Variants in ANXA3 observed in about 807,000 individuals in gnomAD.
ANXA3 encodes the protein 35-alpha calcimedin.
In ANXA3, 46 loss-of-function variants were observed where a neutral mutation model predicts 48.8. The observed-to-expected ratio is 0.94, with a 90% confidence interval of 0.74 to 1.21. ANXA3 has a LOEUF of 1.21. ANXA3 is among the 50% of genes most tolerant of loss of function. The pLI, the probability that ANXA3 is intolerant of heterozygous loss-of-function variation, is 0.00. For missense variants in ANXA3, 383 were observed against 378.6 expected, an observed-to-expected ratio of 1.01 and a Z score of -0.10; for synonymous variants, 128 against 134.7, an observed-to-expected ratio of 0.95 and a Z score of 0.35.
intron 7 of ANXA3, among the ~76,000 whole-genome samples, chr4:78,594,555 C>T (rs940761808): frequency 3.3e-5 from 5 of 152,172 alleles, no homozygotes; most frequent in African/African-American, 1.2e-4. Context: ...TTGGTGTTGT[C>T]AGTGTTTTGG....
chr4:78,588,468 G>A (rs534379170), intron 6 of ANXA3, among the ~76,000 whole-genome samples: 1 of 152,324 alleles, frequency 6.6e-6, no homozygotes, highest in South Asian at 2.1e-4. Context: ...ATTCATGCAG[G>A]TTATAACCCC....
chr4:78,599,829 G>A (rs1186884024), intron 10 of ANXA3, among the ~76,000 whole-genome samples: 2 of 152,092 alleles, frequency 1.3e-5, no homozygotes, highest in Non-Finnish European at 2.9e-5. Context: ...AGGGGCTAAG[G>A]TGGGAGGAGT....
At chr4:78,573,314 G>A (rs750245059) in intron 3 of ANXA3, 47 bp downstream of exon 3, 1 of 1,408,730 alleles carries the variant, frequency 7.1e-7, no homozygotes, top group Admixed American at 1.7e-5. Context: ...AGCAAATCAG[G>A]CAAGTTACAA....
At chr4:78,568,733 C>T (rs1179593363) in intron 2 of ANXA3, among the ~76,000 whole-genome samples, 2 of 152,204 alleles carry the variant, frequency 1.3e-5, no homozygotes, top group Admixed American at 1.3e-4. Flanking sequence ...TGGCCTCTCC[C>T]AGGGGCAATA....
chr4:78,591,686 G>A (rs1327539775), intron 7 of ANXA3, 63 bp downstream of exon 7: 2 of 1,231,068 alleles, frequency 1.6e-6, no homozygotes, highest in Non-Finnish European at 2.4e-6. Context: ...ACAATTTTTA[G>A]GGAGTTTAAA....
chr4:78,606,374 C>A (rs1046316222), intron 12 of ANXA3, among the ~76,000 whole-genome samples: 1 of 152,124 alleles, frequency 6.6e-6, no homozygotes, highest in Non-Finnish European at 1.5e-5. Context: ...GCTGATTAGA[C>A]CCCCTAAGCT....
intron 10 of ANXA3, 110 bp downstream of exon 10, chr4:78,597,524 C>T (rs1026257042): frequency 9.0e-6 from 6 of 667,630 alleles, no homozygotes; most frequent in African/African-American, 3.7e-5. Context: ...TTTTTGCTCC[C>T]TACAGCCCCC....
At chr4:78,565,624 C>A (rs2109928383) in intron 2 of ANXA3, among the ~76,000 whole-genome samples, 1 of 152,256 alleles carries the variant, frequency 6.6e-6, no homozygotes, top group East Asian at 1.9e-4. Flanking sequence ...GAAACTGGAG[C>A]CAGATTGCCT....
intron 10 of ANXA3, among the ~76,000 whole-genome samples, chr4:78,600,736 T>C (rs1453350203): frequency 6.6e-6 from 1 of 152,208 alleles, no homozygotes; most frequent in Non-Finnish European, 1.5e-5. Flanking sequence ...TCACTTTTGG[T>C]TGGATTCCTA....
At chr4:78,588,364 G>C (rs1473153807) in intron 6 of ANXA3, among the ~76,000 whole-genome samples, 7 of 152,286 alleles carry the variant, frequency 4.6e-5, no homozygotes, top group African/African-American at 1.7e-4. Context: ...CTGCACTCCA[G>C]CCTGCGTGAC....
chr4:78,568,023 A>T lies in ANXA3; in HGVS notation c.16-5157A>T, dbSNP rs546207943. ...GTCTCTGCCTTTACATGGCTGTCTT[A>T]TAAGGATACCAGTGGTATTGGATTG... On this transcript the variant is annotated intron_variant, in intron 2 of 12. Coordinates refer to ENST00000264908, the MANE Select transcript of ANXA3 (RefSeq NM_005139.3). 2.0e-5 allele frequency among the ~76,000 whole-genome samples: 3 copies of T among 152,282 alleles called. No homozygotes were observed. In the South Asian group the frequency reaches 6.2e-4, roughly 32 times the overall value.
In ANXA3 at chr4:78,604,346, A is replaced by G. The variant is rs986329242; in HGVS notation, c.859A>G (p.Ile287Val). The G allele has an allele frequency of 4.3e-6, 7 of 1,613,548 alleles. No individual in the cohort carries two copies. The highest frequency in any genetic ancestry group is 5.9e-6 in the Non-Finnish European group (7 of 1,179,642). Residue 287 changes from isoleucine to valine, a missense_variant, in exon 12 of 13, where the codon ATT becomes GTT. Physicochemically the swap from Ile to Val is conservative, Grantham distance 29. Transcript: ENST00000264908. ...CAGATCAGAAATTGACCTTTTGGACATTCGAACAGAGTTCAAGAAGCATTA... is the reference window on the plus strand; with the variant it reads ...CAGATCAGAAATTGACCTTTTGGACGTTCGAACAGAGTTCAAGAAGCATTA... ...VSRSEIDLLD[I>V]RTEFKKHYGY...
intron 9 of ANXA3, 35 bp downstream of exon 9, chr4:78,595,922 G>A (rs746269687): frequency 1.4e-6 from 2 of 1,384,968 alleles, no homozygotes; most frequent in Non-Finnish European, 2.0e-6. Context: ...TGTGTTGTAT[G>A]TTGTTTTTAC....
At chr4:78,563,262 A>G (rs935643269) in intron 2 of ANXA3, among the ~76,000 whole-genome samples, 1 of 152,184 alleles carries the variant, frequency 6.6e-6, no homozygotes, top group African/African-American at 2.4e-5. Flanking sequence ...AGAATATTAC[A>G]AACAGGAGAC....
At position 78,604,529 on chromosome 4, in the gene ANXA3, G is replaced by C. The variant is rs939941354; in HGVS notation, c.912+130G>C. On this transcript the variant is annotated intron_variant, in intron 12 of 12. Coordinates refer to ENST00000264908, the MANE Select transcript of ANXA3 (RefSeq NM_005139.3). ...CTCCTTGTCAATGTATAAATGTGTTGTCTGAGCTTAAAATAGTAGCAGCAA... is the reference window on the plus strand; with the variant it reads ...CTCCTTGTCAATGTATAAATGTGTTCTCTGAGCTTAAAATAGTAGCAGCAA... 38 of 737,370 alleles carry C rather than the reference G, an allele frequency of 5.2e-5. No homozygotes were observed. In the African/African-American group the frequency reaches 6.5e-4, roughly 13 times the overall value. The allele number at this position is 737,370 out of a possible 1,614,324, so 45.7% of individuals were successfully genotyped here. A position where few individuals can be genotyped will look rare whatever the true frequency, so the allele number is the denominator to read the frequency against.
intron 2 of ANXA3, among the ~76,000 whole-genome samples, chr4:78,558,924 T>C (rs1208951422): frequency 6.6e-6 from 1 of 152,174 alleles, no homozygotes; most frequent in Non-Finnish European, 1.5e-5. Flanking sequence ...CTGCGTACCT[T>C]CTGTTATACA....
intron 3 of ANXA3, among the ~76,000 whole-genome samples, chr4:78,573,616 G>A (rs1026364974): frequency 6.6e-6 from 1 of 152,136 alleles, no homozygotes; most frequent in Non-Finnish European, 1.5e-5. Flanking sequence ...TTATTGCAAA[G>A]TGAAAAATAC....
intron 10 of ANXA3, among the ~76,000 whole-genome samples, chr4:78,600,898 TTTAC>T (rs1232412372): frequency 1.2e-4 from 18 of 152,362 alleles, no homozygotes; most frequent in Admixed American, 1.2e-3. Context: ...TTATTTCTGC[TTTAC>T]TTGTTATTTC....
At chr4:78,595,460 A>G in intron 8 of ANXA3, 23 bp downstream of exon 8, 1 of 1,612,348 alleles carries the variant, frequency 6.2e-7, no homozygotes, top group Non-Finnish European at 8.5e-7. Flanking sequence ...GCGGGAAAAC[A>G]TTTCCTTTAC....
Sources: gnomAD v4.1 joint callset for allele counts (sites outside exome capture counted in the v4.1 genomes callset) on GRCh38, gnomAD v4.1.1 for gene constraint, MANE v1.5 for transcripts, NCBI Gene and HGNC (gene_info 2026-07-23, HGNC 2026-07-21) for gene names.